The following XNDC1N variants were observed in gnomAD, a reference collection of about 807,000 sequenced individuals.
The protein encoded by XNDC1N is protein XNDC1N.
At chr11:71,871,465 T>A in the XNDC1N span, among the ~76,000 whole-genome samples, 2 of 152,192 alleles carry the variant, frequency 1.3e-5, no homozygotes, top group Non-Finnish European at 2.9e-5. Flanking sequence ...CTGCACAGCA[T>A]GGTGAATATA....
chr11:71,906,824 G>T, the XNDC1N span, among the ~76,000 whole-genome samples: 1 of 152,054 alleles, frequency 6.6e-6, no homozygotes, highest in Admixed American at 6.5e-5. Flanking sequence ...AACATCTGTG[G>T]CATTAAAAGA....
the XNDC1N span, among the ~76,000 whole-genome samples, chr11:71,891,973 G>A: frequency 2.6e-5 from 4 of 151,796 alleles, no homozygotes; most frequent in Admixed American, 2.0e-4. Context: ...ATCCCGGCGG[G>A]AGGTGGTACA....
At chr11:71,888,231 T>C in the XNDC1N span, among the ~76,000 whole-genome samples, 2 of 152,134 alleles carry the variant, frequency 1.3e-5, no homozygotes, top group Non-Finnish European at 2.9e-5. Context: ...TGGGATTGAC[T>C]ATCCGACAGG....
At chr11:71,898,477 C>T in the XNDC1N span, among the ~76,000 whole-genome samples, 1 of 151,750 alleles carries the variant, frequency 6.6e-6, no homozygotes, top group Non-Finnish European at 1.5e-5. Flanking sequence ...CGTGATAGCG[C>T]ACGCCTGTAA....
the XNDC1N span, among the ~76,000 whole-genome samples, chr11:71,889,405 C>A: frequency 3.9e-5 from 6 of 152,242 alleles, no homozygotes; most frequent in African/African-American, 9.6e-5. Flanking sequence ...AAAGCAGCAT[C>A]TTCCCCCTTC....
the XNDC1N span, among the ~76,000 whole-genome samples, chr11:71,888,079 GT>G: frequency 6.8e-6 from 1 of 147,438 alleles, no homozygotes; most frequent in Non-Finnish European, 1.5e-5. Flanking sequence ...TGTTGCTCTA[GT>G]AGGTTGATGA....
chr11:71,888,992 T>G, the XNDC1N span, among the ~76,000 whole-genome samples: 1 of 152,176 alleles, frequency 6.6e-6, no homozygotes, highest in Admixed American at 6.5e-5. Context: ...GGAACTATAC[T>G]TGGATGGGAG....
the XNDC1N span, among the ~76,000 whole-genome samples, chr11:71,905,286 G>A: frequency 2.0e-5 from 3 of 151,970 alleles, no homozygotes; most frequent in Admixed American, 1.3e-4. Context: ...CTATCACAGG[G>A]TGTGATATTA....
the XNDC1N span, among the ~76,000 whole-genome samples, chr11:71,910,476 G>A: frequency 1.3e-5 from 2 of 152,140 alleles, no homozygotes; most frequent in African/African-American, 4.8e-5. Context: ...CTTCGGGGAG[G>A]CGTGGGCTCG....
chr11:71,902,304 G>A, the XNDC1N span, among the ~76,000 whole-genome samples: 3 of 152,208 alleles, frequency 2.0e-5, no homozygotes, highest in African/African-American at 4.8e-5. Context: ...CCATTCTCCT[G>A]CCTCAGCCTC....
the XNDC1N span, among the ~76,000 whole-genome samples, chr11:71,886,580 C>T: frequency 1.3e-5 from 2 of 149,484 alleles, no homozygotes; most frequent in African/African-American, 5.0e-5. Context: ...CACAATTCTA[C>T]GAGAGACTGT....
At chr11:71,899,175 T>G in the XNDC1N span, among the ~76,000 whole-genome samples, 1 of 152,108 alleles carries the variant, frequency 6.6e-6, no homozygotes, top group African/African-American at 2.4e-5. Context: ...GAATAGTAAA[T>G]AGTCAGTCTG....
chr11:71,926,946 A>AT, the XNDC1N span, among the ~76,000 whole-genome samples: 1 of 151,804 alleles, frequency 6.6e-6, no homozygotes, highest in African/African-American at 2.4e-5. Flanking sequence ...ATAAAATAAA[A>AT]GACAAATAAT....
At chr11:71,895,114 A>AT in the XNDC1N span, among the ~76,000 whole-genome samples, 77 of 147,584 alleles carry the variant, frequency 5.2e-4, no homozygotes, top group Non-Finnish European at 7.4e-4. Flanking sequence ...GAGTGTGTGG[A>AT]TTTTTTTTTT....
the XNDC1N span, chr11:71,903,216 T>C: frequency 5.0e-5 from 40 of 795,780 alleles, no homozygotes; most frequent in East Asian, 9.9e-4. Flanking sequence ...CTAACAGATG[T>C]CTCTATATTC....
At chr11:71,868,279 A>G in the XNDC1N span, among the ~76,000 whole-genome samples, 2 of 152,144 alleles carry the variant, frequency 1.3e-5, no homozygotes, top group Admixed American at 6.5e-5. Context: ...TAGTCCATTT[A>G]TGTTCAAGGT....
chr11:71,891,999 C>G, the XNDC1N span, among the ~76,000 whole-genome samples: 13 of 151,614 alleles, frequency 8.6e-5, no homozygotes, highest in African/African-American at 2.4e-4. Flanking sequence ...AGTGATATTG[C>G]GAATAATGTC....
At chr11:71,880,816 A>G in the XNDC1N span, among the ~76,000 whole-genome samples, 1 of 152,138 alleles carries the variant, frequency 6.6e-6, no homozygotes, top group African/African-American at 2.4e-5. Context: ...TTATCTGTAT[A>G]GTTTCCAAAG....
At chr11:71,892,547 C>T in the XNDC1N span, among the ~76,000 whole-genome samples, 16 of 152,230 alleles carry the variant, frequency 1.1e-4, no homozygotes, top group African/African-American at 3.4e-4. Flanking sequence ...GCCCACTCTA[C>T]TTTCAGGAGC....
Sources: gnomAD v4.1 joint callset for allele counts (sites outside exome capture counted in the v4.1 genomes callset) on GRCh38, gnomAD v4.1.1 for gene constraint, MANE v1.5 for transcripts, NCBI Gene and HGNC (gene_info 2026-07-23, HGNC 2026-07-21) for gene names.